The following EPHA6 variants were observed in gnomAD, a reference collection of about 807,000 sequenced individuals.
The protein encoded by EPHA6 is EPH receptor A6, also known as ephrin type-A receptor 6.
In EPHA6, 50 loss-of-function variants were observed where a neutral mutation model predicts 112.0. The observed-to-expected ratio is 0.45, with a 90% CI of 0.36 to 0.56. The LOEUF (loss-of-function observed/expected upper bound fraction) is 0.56, where lower values mean the gene tolerates loss of function less well. EPHA6 is among the 20% of genes least tolerant of loss of function. The pLI, the probability that EPHA6 is intolerant of heterozygous loss-of-function variation, is 0.00. For missense variants in EPHA6, 1,280 were observed against 1,417.4 expected (o/e 0.90, Z 1.56); for synonymous variants, 529 against 490.7 (o/e 1.08, Z -1.03).
intron 2 of EPHA6, among the ~76,000 whole-genome samples, chr3:96,899,738 A>G (rs996901570): frequency 6.6e-6 from 1 of 152,244 alleles, no homozygotes; most frequent in Non-Finnish European, 1.5e-5. Flanking sequence ...ATTTATAAGC[A>G]GTAGTCCTGT....
intron 3 of EPHA6, among the ~76,000 whole-genome samples, chr3:97,048,818 C>T (rs950202730): frequency 1.3e-5 from 2 of 152,024 alleles, no homozygotes; most frequent in Non-Finnish European, 2.9e-5. Context: ...ACAAATACAA[C>T]TTATAATACA....
chr3:96,956,014 G>A (rs1057046832), intron 2 of EPHA6, among the ~76,000 whole-genome samples: 11 of 152,122 alleles, frequency 7.2e-5, no homozygotes, highest in African/African-American at 1.4e-4. Flanking sequence ...TATTCAGTAC[G>A]AAATGGAATA....
intron 3 of EPHA6, among the ~76,000 whole-genome samples, chr3:97,223,623 G>A (rs370119938): frequency 3.3e-5 from 5 of 152,168 alleles, no homozygotes; most frequent in African/African-American, 9.7e-5. Flanking sequence ...TCTACTCTCC[G>A]AGGAAGAGAA....
intron 5 of EPHA6, among the ~76,000 whole-genome samples, chr3:97,253,782 C>A (rs968743936): frequency 6.6e-6 from 1 of 151,970 alleles, no homozygotes; most frequent in Non-Finnish European, 1.5e-5. Flanking sequence ...GGATGCCATA[C>A]TATTTTGACT....
intron 3 of EPHA6, among the ~76,000 whole-genome samples, chr3:97,218,579 C>T (rs555235980): frequency 9.9e-5 from 15 of 152,230 alleles, no homozygotes; most frequent in South Asian, 4.1e-4. Context: ...TCAGGGAAAC[C>T]ACCCCCATGA....
chr3:96,994,742 G>T (rs1217903063), intron 3 of EPHA6, among the ~76,000 whole-genome samples: 43 of 132,212 alleles, frequency 3.3e-4, no homozygotes, highest in South Asian at 6.9e-4. Context: ...TAGAGAGAGA[G>T]AGAGAGAGAG....
rs537926467 is a variant in EPHA6, at chr3:97,625,345, T to C, written c.2575-12528T>C. On this transcript the variant is annotated intron_variant, in intron 13 of 17. Coordinates refer to ENST00000389672, the MANE Select transcript of EPHA6 (RefSeq NM_001080448.3). ...TATTGTTTATACACAAATTTGTGGA[T>C]TTTTCCGTTTTTCTTCTGTTATTTA... Among the ~76,000 whole-genome samples, 6 of 151,908 alleles carry C rather than the reference T, an allele frequency of 3.9e-5. No homozygotes were observed. The East Asian group carries it at 7.7e-4, about 20-fold the overall frequency.
chr3:97,012,134 T>G (rs895829087), intron 3 of EPHA6, among the ~76,000 whole-genome samples: 1 of 152,134 alleles, frequency 6.6e-6, no homozygotes, highest in Admixed American at 6.5e-5. Context: ...GTGCATGTCT[T>G]TTTGGTAGAG....
chr3:97,467,949 A>C (rs2091109122), intron 7 of EPHA6, among the ~76,000 whole-genome samples: 1 of 151,710 alleles, frequency 6.6e-6, no homozygotes, highest in Admixed American at 6.6e-5. Context: ...AAATTGTACC[A>C]AAATCACATT....
intron 3 of EPHA6, among the ~76,000 whole-genome samples, chr3:97,223,949 A>G (rs559570495): frequency 1.3e-5 from 2 of 152,092 alleles, no homozygotes; most frequent in South Asian, 2.1e-4. Flanking sequence ...TTCACTAGCC[A>G]TGTGAGGTTA....
intron 5 of EPHA6, among the ~76,000 whole-genome samples, chr3:97,387,048 G>A (rs2086109661): frequency 6.6e-6 from 1 of 152,226 alleles, no homozygotes; most frequent in Admixed American, 6.5e-5. Context: ...ACAGAGCAGA[G>A]GGGCCCTCGA....
At chr3:97,433,383 G>A (rs2089634416) in intron 6 of EPHA6, among the ~76,000 whole-genome samples, 1 of 151,718 alleles carries the variant, frequency 6.6e-6, no homozygotes, top group Admixed American at 6.6e-5. Context: ...AATTTTTTTT[G>A]GACATAGGCA....
chr3:96,855,068 A>G (rs1559775496), intron 1 of EPHA6, among the ~76,000 whole-genome samples: 2 of 152,054 alleles, frequency 1.3e-5, no homozygotes, highest in Non-Finnish European at 2.9e-5. Context: ...GAGACCACCC[A>G]TGTTCCTCGG....
At chr3:97,535,885 G>A (rs1039953925) in intron 11 of EPHA6, among the ~76,000 whole-genome samples, 18 of 152,012 alleles carry the variant, frequency 1.2e-4, no homozygotes, top group Non-Finnish European at 2.2e-4. Context: ...TGAAAGACAA[G>A]TGTTATAAAG....
intron 3 of EPHA6, among the ~76,000 whole-genome samples, chr3:97,193,091 C>G (rs960673902): frequency 6.6e-6 from 1 of 151,972 alleles, no homozygotes; most frequent in East Asian, 1.9e-4. Flanking sequence ...CAGTTTTATT[C>G]TTTTTGCTCA....
At chr3:97,162,317 A>G (rs2108402409) in intron 3 of EPHA6, among the ~76,000 whole-genome samples, 1 of 152,242 alleles carries the variant, frequency 6.6e-6, no homozygotes, top group Middle Eastern at 3.4e-3. Flanking sequence ...CCCTTTCCCA[A>G]TGTAATAGAT....
chr3:97,209,485 T>G (rs1191526928), intron 3 of EPHA6, among the ~76,000 whole-genome samples: 1 of 152,180 alleles, frequency 6.6e-6, no homozygotes, highest in Non-Finnish European at 1.5e-5. Flanking sequence ...AATACTCACA[T>G]CATTGGCTTT....
At chr3:97,039,645 G>A (rs1187962412) in intron 3 of EPHA6, among the ~76,000 whole-genome samples, 2 of 151,876 alleles carry the variant, frequency 1.3e-5, no homozygotes, top group Non-Finnish European at 2.9e-5. Context: ...CTTTTAGCTT[G>A]TAATTTCAAA....
chr3:97,737,380 C>T (rs1408463861), intron 16 of EPHA6, among the ~76,000 whole-genome samples: 3 of 151,918 alleles, frequency 2.0e-5, no homozygotes, highest in Admixed American at 6.6e-5. Context: ...AAGATCAGGG[C>T]TTGACTTCTG....
Sources: allele counts gnomAD v4.1 joint callset (sites outside exome capture counted in the v4.1 genomes callset), GRCh38; gene constraint gnomAD v4.1.1; transcripts MANE v1.5; gene names NCBI Gene and HGNC (gene_info 2026-07-23, HGNC 2026-07-21).